Variants in ARMH4 observed in about 807,000 individuals in gnomAD.
ARMH4 encodes armadillo like helical domain containing 4.
In ARMH4, 49 loss-of-function variants were observed where a neutral mutation model predicts 61.9. The observed-to-expected ratio is 0.79, with a 90% CI of 0.63 to 1.00. The LOEUF (loss-of-function observed/expected upper bound fraction) is 1.00, where lower values mean the gene tolerates loss of function less well. ARMH4 is among the 50% of genes least tolerant of loss of function. The pLI is 0.00. For synonymous variants in ARMH4, 368 were observed against 341.5 expected (o/e 1.08, Z -0.85); for missense variants, 934 against 930.0 (o/e 1.00, Z -0.06).
intron 4 of ARMH4, among the ~76,000 whole-genome samples, chr14:58,113,850 T>C (rs1426176332): frequency 6.6e-6 from 1 of 151,954 alleles, no homozygotes; most frequent in Non-Finnish European, 1.5e-5. Context: ...TTTCTAAATG[T>C]TCTATTTGGT....
Position 58,033,774 on chromosome 14 carries a change from G to T in ARMH4, c.2090-21624C>A, listed in dbSNP as rs1271130566. Among the ~76,000 whole-genome samples the T allele has an allele frequency of 1.5e-3, 40 of 27,480 alleles. 2 individuals carry two copies. The South Asian group carries it at 0.017, about 11-fold the overall frequency. The allele number at this position is 27,480 out of a possible 152,430, so 18.0% of individuals were successfully genotyped here. On this transcript the variant is annotated intron_variant, in intron 5 of 7. Coordinates refer to ENST00000267485, the MANE Select transcript of ARMH4 (RefSeq NM_001001872.4). ...GAAGAATACAGAAGCCTCAGGAGCC[G>T]ATGCGATCAACTGGAAGAAAGGGTA...
chr14:58,131,851 G>T, intron 3 of ARMH4, 130 bp from the exon 4 acceptor site: 1 of 764,068 alleles, frequency 1.3e-6, no homozygotes, highest in Non-Finnish European at 2.1e-6. Context: ...TGGCACTTGG[G>T]TCAGCTCTCC....
At chr14:58,144,149 A>G (rs1294481669) in intron 1 of ARMH4, among the ~76,000 whole-genome samples, 1 of 152,218 alleles carries the variant, frequency 6.6e-6, no homozygotes, top group African/African-American at 2.4e-5. Flanking sequence ...ACAGCATGTC[A>G]ACATTCTGGA....
At position 58,133,287 on chromosome 14, in the gene ARMH4, G is replaced by A; in HGVS notation, c.1424C>T (p.Ser475Phe). 1.2e-6 allele frequency: 2 copies of A among 1,613,922 alleles called. No individual in the cohort carries two copies. The highest frequency in any genetic ancestry group is 8.5e-7 in the Non-Finnish European group (1 of 1,179,998). The part of the protein sequence containing the change: ...TAVQEPDATL[S>F]MVTQEQVATL... ...AGCAACCTGCTCTTGTGTCACCATG[G>A]ATAAAGTGGCATCTGGCTCTTGAAC... The change falls in exon 3 of 8, where the codon TCC (serine) becomes TTC (phenylalanine). Residue 475 changes from serine to phenylalanine, a missense_variant. Coordinates refer to ENST00000267485, the MANE Select transcript of ARMH4 (RefSeq NM_001001872.4).
At chr14:58,136,387 G>A (rs1472370878) in intron 2 of ARMH4, among the ~76,000 whole-genome samples, 1 of 152,162 alleles carries the variant, frequency 6.6e-6, no homozygotes, top group Admixed American at 6.5e-5. Flanking sequence ...ATGAAGAACT[G>A]AAGTAAACTT....
chr14:58,111,042 C>A (rs1594763138), intron 4 of ARMH4, among the ~76,000 whole-genome samples: 1 of 152,204 alleles, frequency 6.6e-6, no homozygotes, highest in East Asian at 1.9e-4. Flanking sequence ...GCGTGAGCCA[C>A]CACGCCCAGC....
intron 5 of ARMH4, among the ~76,000 whole-genome samples, chr14:58,091,991 C>G (rs1885581313): frequency 6.6e-6 from 1 of 152,210 alleles, no homozygotes; most frequent in South Asian, 2.1e-4. Context: ...GTGCAGAAAA[C>G]AGAAGTACAG....
intron 3 of ARMH4, among the ~76,000 whole-genome samples, chr14:58,131,995 T>C (rs1887125456): frequency 6.6e-6 from 1 of 152,236 alleles, no homozygotes; most frequent in Non-Finnish European, 1.5e-5. Flanking sequence ...CTATTGGCAA[T>C]ATTATGGATG....
intron 5 of ARMH4, among the ~76,000 whole-genome samples, chr14:58,024,361 T>A (rs1882949001): frequency 6.6e-6 from 1 of 152,184 alleles, no homozygotes; most frequent in Non-Finnish European, 1.5e-5. Flanking sequence ...AACCAACCTG[T>A]GCTAGCTTCC....
Position 58,055,617 on chromosome 14 carries a change from C to A in ARMH4, c.2089+41107G>T, listed in dbSNP as rs568235760. Among the ~76,000 whole-genome samples the A allele has an allele frequency of 1.7e-3, 258 of 152,314 alleles. 2 individuals carry two copies. Among genetic ancestry groups the A allele is most frequent in the Admixed American group, 2.4e-3 (36 of 15,298 alleles). ...GCTCAAAGCTCAGTCCACAGACCAGCAGCATCAGGGAATCATCTGGGAGCT... is the reference window on the plus strand; with the variant it reads ...GCTCAAAGCTCAGTCCACAGACCAGAAGCATCAGGGAATCATCTGGGAGCT... On this transcript the variant is annotated intron_variant, in intron 5 of 7. Transcript: ENST00000267485.
At chr14:58,115,934 G>A (rs774108058) in intron 4 of ARMH4, among the ~76,000 whole-genome samples, 1 of 152,066 alleles carries the variant, frequency 6.6e-6, no homozygotes, top group Admixed American at 6.6e-5. Flanking sequence ...GGAGGAAGAG[G>A]AGTGAAAAAC....
chr14:58,096,732 T>C lies in ARMH4; in HGVS notation c.2081A>G (p.Gln694Arg). 6.2e-7 allele frequency: 1 copy of C among 1,613,906 alleles called. No individual in the cohort carries two copies. The highest frequency in any genetic ancestry group is 8.5e-7 in the Non-Finnish European group (1 of 1,179,900). Residue 694 changes from glutamine (Q) to arginine (R), a missense_variant, in exon 5 of 8, where the codon CAA becomes CGA. Physicochemically the swap from Gln to Arg is conservative, Grantham distance 43. Transcript: ENST00000267485. ...PDALEWEQQN[Q>R]GLVRSWMEKL... ...ATACACATGACTCTTACCCAGGCCT[T>C]GATTCTGCTGTTCCCACTCGAGGGC...
intron 4 of ARMH4, among the ~76,000 whole-genome samples, chr14:58,114,786 T>C (rs903196761): frequency 6.6e-6 from 1 of 152,090 alleles, no homozygotes; most frequent in Non-Finnish European, 1.5e-5. Flanking sequence ...GAAATAAAGC[T>C]GCACACCTAC....
chr14:58,092,600 C>T (rs1362168037), intron 5 of ARMH4, among the ~76,000 whole-genome samples: 2 of 152,140 alleles, frequency 1.3e-5, no homozygotes, highest in African/African-American at 2.4e-5. Flanking sequence ...CTTCCAGAGG[C>T]GTTGGAGGAG....
chr14:58,149,892 C>T (rs1439316193), intron 1 of ARMH4, among the ~76,000 whole-genome samples: 1 of 152,338 alleles, frequency 6.6e-6, no homozygotes, highest in East Asian at 1.9e-4. Context: ...ACATGCATTC[C>T]TGTCAAATAC....
chr14:58,059,783 C>G (rs1408985813), intron 5 of ARMH4, among the ~76,000 whole-genome samples: 1 of 152,140 alleles, frequency 6.6e-6, no homozygotes, highest in Non-Finnish European at 1.5e-5. Context: ...AAATTTTACA[C>G]TCTTGTTCAT....
rs1879092181 is a variant in ARMH4 at position 58,133,211 on chromosome 14, G to A, written c.1500C>T (p.Asp500=). ...DSGKTEEEKE[D]PSPVSDVPGV... is the part of the protein sequence containing the mutation. ...CAGGAACGTCAGACACAGGAGAGGG[G>A]TCCTCCTTTTCTTCCTCAGTCTTGC... Residue 500 remains aspartate (D), a synonymous_variant, in exon 3 of 8, where the codon GAC becomes GAT. Transcript: ENST00000267485. 1.2e-6 allele frequency: 2 copies of A among 1,614,044 alleles called. No individual in the cohort carries two copies. Among genetic ancestry groups the A allele is most frequent in the African/African-American group, 2.7e-5 (2 of 74,916 alleles).
chr14:58,018,947 G>A (rs1882714528), intron 5 of ARMH4, among the ~76,000 whole-genome samples: 1 of 152,106 alleles, frequency 6.6e-6, no homozygotes, highest in Non-Finnish European at 1.5e-5. Flanking sequence ...CATAAAAAAG[G>A]AATAAAATCT....
At position 58,145,832 on chromosome 14, in the gene ARMH4, A is replaced by G. The variant is rs1301647525; in HGVS notation, c.-57+6243T>C. 9.9e-5 allele frequency among the ~76,000 whole-genome samples: 15 copies of G among 152,238 alleles called. No homozygotes were observed. The South Asian group carries it at 2.7e-3, about 27-fold the overall frequency. The stretch of plus-strand genomic sequence containing the variant: ...CCTCTCCCCACTATCGAAAGCAACA[A>G]CTATACGTTAAAAGGAAAAAAGACA... On this transcript the variant is annotated intron_variant, in intron 1 of 7. Transcript: ENST00000267485.
Sources: gnomAD v4.1 joint callset for allele counts (sites outside exome capture counted in the v4.1 genomes callset) on GRCh38, gnomAD v4.1.1 for gene constraint, MANE v1.5 for transcripts, NCBI Gene and HGNC (gene_info 2026-07-23, HGNC 2026-07-21) for gene names.